The following RIGI variants were observed in gnomAD, a reference collection of about 807,000 sequenced individuals.
RIGI encodes RNA sensor RIG-I.
the RIGI span, chr9:32,492,399 A>G: frequency 6.2e-7 from 1 of 1,613,988 alleles, no homozygotes; most frequent in Non-Finnish European, 8.5e-7. Flanking sequence ...ACCTTTCTCT[A>G]CAATCCACAG....
At chr9:32,459,291 TTTA>T in the RIGI span, 1 of 1,497,044 alleles carries the variant, frequency 6.7e-7, no homozygotes, top group East Asian at 2.3e-5. Context: ...TAATAGTAGT[TTTA>T]TTATAAATAT....
the RIGI span, among the ~76,000 whole-genome samples, chr9:32,502,758 C>G: frequency 6.6e-6 from 1 of 152,320 alleles, no homozygotes; most frequent in East Asian, 1.9e-4. Flanking sequence ...ACACTCCCTC[C>G]AACTTTGCCT....
the RIGI span, among the ~76,000 whole-genome samples, chr9:32,521,370 TTTAG>T: frequency 1.3e-5 from 2 of 152,096 alleles, no homozygotes; most frequent in African/African-American, 4.8e-5. Flanking sequence ...GGGAGAGACA[TTTAG>T]TTGGCCTCAT....
At chr9:32,521,139 C>CAAAAAAAAAAAAAAAAAAAAAAAAAA in the RIGI span, among the ~76,000 whole-genome samples, 13 of 32,780 alleles carry the variant, frequency 4.0e-4, 3 homozygotes, top group Non-Finnish European at 5.6e-4. Flanking sequence ...GACACCATCT[C>CAAAAAAAAAAAAAAAAAAAAAAAAAA]AAAAAAAAAA....
At chr9:32,467,127 T>C in the RIGI span, among the ~76,000 whole-genome samples, 2 of 152,042 alleles carry the variant, frequency 1.3e-5, no homozygotes, top group Non-Finnish European at 2.9e-5. Flanking sequence ...ATCTGAGCAG[T>C]TCCGTCAACA....
the RIGI span, among the ~76,000 whole-genome samples, chr9:32,462,722 TC>T: frequency 5.3e-4 from 81 of 151,882 alleles, no homozygotes; most frequent in African/African-American, 1.9e-3. Flanking sequence ...TTTCCCCCAC[TC>T]CCCCTTTTTG....
the RIGI span, among the ~76,000 whole-genome samples, chr9:32,466,729 A>G: frequency 6.9e-6 from 1 of 145,848 alleles, no homozygotes; most frequent in African/African-American, 2.5e-5. Context: ...ACTCAAATGC[A>G]GGTGTGCACC....
At chr9:32,488,796 C>A in the RIGI span, 1,549 of 1,613,060 alleles carry the variant, frequency 9.6e-4, 12 homozygotes, top group African/African-American at 0.018. Flanking sequence ...GGATCTGATT[C>A]GCAAAAAAGA....
At chr9:32,495,544 A>G in the RIGI span, among the ~76,000 whole-genome samples, 2 of 150,346 alleles carry the variant, frequency 1.3e-5, no homozygotes, top group Non-Finnish European at 3.0e-5. Context: ...GGGTGAGGTG[A>G]TATTGCATTA....
chr9:32,519,758 A>C, the RIGI span, among the ~76,000 whole-genome samples: 536 of 152,330 alleles, frequency 3.5e-3, 13 homozygotes, highest in Admixed American at 0.033. Context: ...AGTTGTGTTT[A>C]CTATTATTAA....
the RIGI span, chr9:32,493,907 C>T: frequency 5.0e-6 from 8 of 1,607,450 alleles, no homozygotes; most frequent in Non-Finnish European, 6.8e-6. Flanking sequence ...TTTTTGAAAT[C>T]CCAACTTTCA....
the RIGI span, among the ~76,000 whole-genome samples, chr9:32,525,259 C>T: frequency 6.6e-6 from 1 of 152,164 alleles, no homozygotes. Flanking sequence ...CTTTTATTCC[C>T]GCGTTCGCCC....
the RIGI span, chr9:32,459,505 T>C: frequency 6.2e-7 from 1 of 1,604,572 alleles, no homozygotes; most frequent in Non-Finnish European, 8.5e-7. Context: ...TGAGTCTGTA[T>C]ATGCAGAATC....
the RIGI span, among the ~76,000 whole-genome samples, chr9:32,489,661 G>GAA: frequency 1.5e-5 from 2 of 136,526 alleles, no homozygotes; most frequent in Non-Finnish European, 1.6e-5. Flanking sequence ...TGGCAAGAAA[G>GAA]AAAAAAAAAA....
the RIGI span, among the ~76,000 whole-genome samples, chr9:32,504,355 G>A: frequency 6.6e-6 from 1 of 151,992 alleles, no homozygotes; most frequent in African/African-American, 2.4e-5. Context: ...TAGTGTCTCT[G>A]GTCCCTGACT....
At chr9:32,526,162 G>C in the RIGI span, 1 of 1,612,196 alleles carries the variant, frequency 6.2e-7, no homozygotes, top group East Asian at 2.2e-5. Context: ...CTGCTCGGTG[G>C]TCATGCCGGC....
At chr9:32,474,247 T>C in the RIGI span, among the ~76,000 whole-genome samples, 1 of 133,210 alleles carries the variant, frequency 7.5e-6, no homozygotes, top group Admixed American at 7.4e-5. Context: ...CCATTTATAA[T>C]AGCATCAAAA....
the RIGI span, among the ~76,000 whole-genome samples, chr9:32,508,873 C>G: frequency 6.6e-6 from 1 of 152,176 alleles, no homozygotes; most frequent in African/African-American, 2.4e-5. Flanking sequence ...GCTGCCAGCA[C>G]AACAATCTGA....
chr9:32,521,657 T>C, the RIGI span, among the ~76,000 whole-genome samples: 3 of 152,316 alleles, frequency 2.0e-5, no homozygotes, highest in Admixed American at 6.5e-5. Flanking sequence ...GTTAGGCTTC[T>C]TTGGTATATT....
Sources: allele counts gnomAD v4.1 joint callset (sites outside exome capture counted in the v4.1 genomes callset), GRCh38; gene constraint gnomAD v4.1.1; transcripts MANE v1.5; gene names NCBI Gene and HGNC (gene_info 2026-07-23, HGNC 2026-07-21).